Variants in PCDHA4 observed in about 807,000 individuals in gnomAD.
PCDHA4 encodes the protein protocadherin alpha 4, also known as protocadherin alpha-4.
In PCDHA4, 49 loss-of-function variants were observed where a neutral mutation model predicts 61.4. The ratio of observed to expected loss-of-function variants is 0.80; its 90% CI spans 0.63 to 1.01. The LOEUF (loss-of-function observed/expected upper bound fraction) is 1.01, where lower values mean the gene tolerates loss of function less well. PCDHA4 is among the 50% of genes least tolerant of loss of function. The pLI is 0.00. For missense variants in PCDHA4, 1,254 were observed against 1,235.8 expected (o/e 1.01, Z -0.22); for synonymous variants, 590 against 550.3 (o/e 1.07, Z -1.01).
intron 1 of PCDHA4, among the ~76,000 whole-genome samples, chr5:140,907,756 C>A (rs183321184): frequency 6.6e-6 from 1 of 152,146 alleles, no homozygotes; most frequent in African/African-American, 2.4e-5. Flanking sequence ...TGTTCATGGG[C>A]CCATTGGGTG....
At chr5:140,967,909 C>A in intron 1 of PCDHA4, 1 of 1,614,206 alleles carries the variant, frequency 6.2e-7, no homozygotes, top group Non-Finnish European at 8.5e-7. Flanking sequence ...CTACACCCAA[C>A]ACCATTGTGG....
chr5:140,822,412 G>A (rs1554128619), intron 1 of PCDHA4: 1 of 1,614,066 alleles, frequency 6.2e-7, no homozygotes, highest in South Asian at 1.1e-5. Context: ...ATTAGTGATT[G>A]CAACTGATGG....
At chr5:140,993,406 T>C (rs1382987714) in intron 3 of PCDHA4, among the ~76,000 whole-genome samples, 2 of 150,998 alleles carry the variant, frequency 1.3e-5, no homozygotes, top group South Asian at 4.2e-4. Flanking sequence ...TTAACCACCT[T>C]CATCAGCATT....
At chr5:140,828,836 G>A (rs1554131583) in intron 1 of PCDHA4, 19 of 1,614,108 alleles carry the variant, frequency 1.2e-5, no homozygotes, top group Non-Finnish European at 1.5e-5. Context: ...TGAATACGAA[G>A]TAAGAATATT....
chr5:140,898,462 C>T (rs1398136688), intron 1 of PCDHA4, among the ~76,000 whole-genome samples: 7 of 150,224 alleles, frequency 4.7e-5, no homozygotes, highest in African/African-American at 1.5e-4. Flanking sequence ...TTCCCCATTG[C>T]TTGTTTTTCT....
At chr5:140,978,726 T>C (rs1453953300) in intron 1 of PCDHA4, among the ~76,000 whole-genome samples, 2 of 152,250 alleles carry the variant, frequency 1.3e-5, no homozygotes, top group African/African-American at 4.8e-5. Flanking sequence ...TTATTAAATC[T>C]GGTCTTCCAG....
intron 1 of PCDHA4, chr5:140,850,278 C>T: frequency 6.3e-7 from 1 of 1,595,340 alleles, no homozygotes; most frequent in Non-Finnish European, 8.6e-7. Flanking sequence ...GGGGAAGGTG[C>T]GCGCAGTGGA....
At chr5:140,917,397 C>T (rs1606123) in intron 1 of PCDHA4, among the ~76,000 whole-genome samples, 6,084 of 150,666 alleles carry the variant, frequency 0.04, 137 homozygotes, top group Non-Finnish European at 0.052. Context: ...TGTGCAGAAG[C>T]TCTTTAGTTT....
chr5:140,841,952 T>C (rs1323540473), intron 1 of PCDHA4: 1 of 1,613,914 alleles, frequency 6.2e-7, no homozygotes, highest in African/African-American at 1.3e-5. Flanking sequence ...GCACCACTTA[T>C]TCCTGACAGC....
intron 3 of PCDHA4, among the ~76,000 whole-genome samples, chr5:140,991,325 G>C (rs899183687): frequency 3.3e-5 from 5 of 152,184 alleles, no homozygotes; most frequent in Non-Finnish European, 5.9e-5. Flanking sequence ...GATACATGAA[G>C]GGAATAGCTT....
In PCDHA4 at chr5:140,851,227, T is replaced by C; in HGVS notation, c.2385+41655T>C. On this transcript the variant is annotated intron_variant, in intron 1 of 3. Coordinates refer to ENST00000530339, the MANE Select transcript of PCDHA4 (RefSeq NM_018907.4). ...TCATTAAACATTAACATCACTATCA[T>C]TTATTTATTGCTAAATGATGCATAG... The C allele has an allele frequency of 4.4e-6, 5 of 1,142,852 alleles. 1 individual carries two copies. In the South Asian group the frequency reaches 1.4e-4, roughly 31 times the overall value. The allele number at this position is 1,142,852 out of a possible 1,614,324, so 70.8% of individuals were successfully genotyped here. A position where few individuals can be genotyped will look rare whatever the true frequency, so the allele number is the denominator to read the frequency against.
rs188637090 is a variant in PCDHA4 at position 140,876,765 on chromosome 5, C to T, written c.2385+67193C>T. 1,055 of 1,614,234 alleles carry T rather than the reference C, an allele frequency of 6.5e-4. 5 individuals are homozygous for T. The African/African-American group carries it at 0.01, about 15-fold the overall frequency. ...TGGTGGTGACTGCGCGGGATGGGGG[C>T]TCGCCTTCGCTGTGGGCCACGGCTA... On this transcript the variant is annotated intron_variant, in intron 1 of 3. Transcript: ENST00000530339.
chr5:140,883,150 C>T, intron 1 of PCDHA4: 1 of 1,613,910 alleles, frequency 6.2e-7, no homozygotes, highest in Non-Finnish European at 8.5e-7. Flanking sequence ...ATGCATTTAC[C>T]ATAAATCCGA....
At chr5:140,987,395 G>A (rs1438598842) in intron 3 of PCDHA4, among the ~76,000 whole-genome samples, 1 of 152,166 alleles carries the variant, frequency 6.6e-6, no homozygotes, top group East Asian at 1.9e-4. Flanking sequence ...ATGCAAGGAA[G>A]CCATCTGTTT....
chr5:140,945,948 C>T (rs782232521), intron 1 of PCDHA4, among the ~76,000 whole-genome samples: 6 of 151,900 alleles, frequency 3.9e-5, no homozygotes, highest in Non-Finnish European at 5.9e-5. Context: ...TTTTATATGA[C>T]CCTGAAAGCA....
rs2150126152 is a variant in PCDHA4, at chr5:140,823,473, G to A, written c.2385+13901G>A. ...ACGACAACGCGCCGGCGCTGCTGGT[G>A]CCTCGAGTGGGTGGCACCGGCGGCG... On this transcript the variant is annotated intron_variant, in intron 1 of 3. Coordinates refer to ENST00000530339, the MANE Select transcript of PCDHA4 (RefSeq NM_018907.4). 4 of 1,613,492 alleles carry A rather than the reference G, an allele frequency of 2.5e-6. No homozygotes were observed. In the South Asian group the frequency reaches 3.3e-5, roughly 13 times the overall value.
intron 1 of PCDHA4, chr5:140,850,000 G>T: frequency 3.1e-6 from 5 of 1,597,068 alleles, no homozygotes; most frequent in Non-Finnish European, 3.4e-6. Context: ...TTGGGCGAGC[G>T]CTCGCTGTCG....
chr5:140,859,571 G>C (rs2045916086), intron 1 of PCDHA4: 1 of 174,150 alleles, frequency 5.7e-6, no homozygotes, highest in Non-Finnish European at 1.2e-5. Context: ...CCATGAATTT[G>C]TCATCTTGCC....
rs1777021029 is a variant in PCDHA4 at position 140,841,107 on chromosome 5, T to G, written c.2385+31535T>G. On this transcript the variant is annotated intron_variant, in intron 1 of 3. Coordinates refer to ENST00000530339, the MANE Select transcript of PCDHA4 (RefSeq NM_018907.4). ...TAGAAGAACCCAGATATTGCGGAAG[T>G]AATTCATGTAATCATTACCTTTTGA... 4 of 589,342 alleles carry G rather than the reference T, an allele frequency of 6.8e-6. No homozygotes were observed. In the South Asian group the frequency reaches 9.7e-5, roughly 14 times the overall value. The allele number at this position is 589,342 out of a possible 1,614,324, so 36.5% of individuals were successfully genotyped here. A position where few individuals can be genotyped will look rare whatever the true frequency, so the allele number is the denominator to read the frequency against.
Sources: allele counts gnomAD v4.1 joint callset (sites outside exome capture counted in the v4.1 genomes callset), GRCh38; gene constraint gnomAD v4.1.1; transcripts MANE v1.5; gene names NCBI Gene and HGNC (gene_info 2026-07-23, HGNC 2026-07-21).